The following TMEM44 variants were observed in gnomAD, a reference collection of about 807,000 sequenced individuals.
The protein encoded by TMEM44 is transmembrane protein 44.
TMEM44 carries 43 observed loss-of-function variants against 47.8 expected under a neutral mutation model. The ratio of observed to expected loss-of-function variants is 0.90; its 90% CI spans 0.70 to 1.16. TMEM44 has a LOEUF of 1.16. Among genes scored for constraint, TMEM44 ranks in the 50% most tolerant of loss-of-function variants. The probability of loss-of-function intolerance (pLI) is 0.00; values close to 1 mark genes in which losing one functional copy is unlikely to be tolerated. For missense variants in TMEM44, 568 were observed against 555.2 expected (o/e 1.02, Z -0.23); for synonymous variants, 277 against 238.8 (o/e 1.16, Z -1.48).
intron 3 of TMEM44, among the ~76,000 whole-genome samples, chr3:194,624,274 C>A (rs1167978912): frequency 6.6e-6 from 1 of 152,070 alleles, no homozygotes; most frequent in African/African-American, 2.4e-5. Flanking sequence ...AGCGATCTCC[C>A]ACCTTGGCCT....
At chr3:194,630,685 C>T (rs1406519555) in intron 1 of TMEM44, among the ~76,000 whole-genome samples, 5 of 138,588 alleles carry the variant, frequency 3.6e-5, no homozygotes, top group Admixed American at 7.0e-5. Flanking sequence ...TTTCCATCGG[C>T]GTCACTGATA....
In TMEM44 at chr3:194,606,256, G is replaced by A. The variant is rs1388784404; in HGVS notation, c.1018-1811C>T. Among the ~76,000 whole-genome samples the A allele has an allele frequency of 3.9e-5, 6 of 152,126 alleles. No individual in the cohort carries two copies. In the East Asian group the frequency reaches 5.8e-4, roughly 15 times the overall value. On this transcript the variant is annotated intron_variant, in intron 8 of 9. Coordinates refer to ENST00000347147, the MANE Select transcript of TMEM44 (RefSeq NM_001011655.3). ...TGAACCACAGTGCTGCTCCCGCTGC[G>A]TCTCCTGGAAAATCGCTCCTTAGGA...
chr3:194,615,885 C>T (rs551279163), intron 6 of TMEM44, among the ~76,000 whole-genome samples, 188 bp from the exon 7 acceptor site: 2 of 152,042 alleles, frequency 1.3e-5, no homozygotes, highest in East Asian at 1.9e-4. Flanking sequence ...CCTGTCCTCA[C>T]GAGGGCCCAG....
chr3:194,618,786 A>G (rs1716221134), intron 5 of TMEM44, among the ~76,000 whole-genome samples: 1 of 152,142 alleles, frequency 6.6e-6, no homozygotes, highest in Non-Finnish European at 1.5e-5. Context: ...TAATTCTCAA[A>G]AAGAATCCTT....
At chr3:194,622,987 C>T (rs1716726434) in intron 5 of TMEM44, 2 of 450,642 alleles carry the variant, frequency 4.4e-6, no homozygotes, top group East Asian at 4.5e-5. Context: ...GGGAAGAACA[C>T]ACGGGCTTTC....
chr3:194,618,974 C>T (rs754264706), intron 5 of TMEM44, among the ~76,000 whole-genome samples: 4 of 152,226 alleles, frequency 2.6e-5, no homozygotes, highest in African/African-American at 4.8e-5. Context: ...AGGGTGGAGA[C>T]GACGCCCTTT....
chr3:194,623,578 G>A lies in TMEM44; in HGVS notation c.476C>T (p.Ser159Leu), dbSNP rs147683361. Residue 159 changes from serine (S) to leucine (L), a missense_variant, in exon 4 of 10, where the codon TCA (serine) becomes TTA (leucine). Ser to Leu is a moderately radical substitution (Grantham distance 145). Transcript: ENST00000347147. The stretch of plus-strand genomic sequence containing the variant: ...CCGCTGTGGCCCCCGGATGGTGGCT[G>A]AAGCCTTCGGGACAGCAACCCACAG... Reference protein sequence around the residue: ...WALWVAVPKASATIRGPQRRL... With the variant: ...WALWVAVPKALATIRGPQRRL... The A allele has an allele frequency of 1.2e-3, 1,997 of 1,610,180 alleles. 3 individuals are homozygous for A. Among genetic ancestry groups the A allele is most frequent in the Non-Finnish European group, 1.6e-3 (1,903 of 1,178,960 alleles).
At chr3:194,630,662 A>G (rs1459560297) in intron 1 of TMEM44, among the ~76,000 whole-genome samples, 1 of 112,662 alleles carries the variant, frequency 8.9e-6, no homozygotes, top group African/African-American at 4.0e-5. Flanking sequence ...CTGCCTCCAG[A>G]AGGGGCTGGC....
intron 6 of TMEM44, among the ~76,000 whole-genome samples, chr3:194,616,096 G>C (rs556357809): frequency 6.6e-6 from 1 of 151,904 alleles, no homozygotes; most frequent in Non-Finnish European, 1.5e-5. Context: ...CTGTCACCCA[G>C]GCTGGAGTGC....
At chr3:194,621,574 T>A (rs548239738) in intron 5 of TMEM44, among the ~76,000 whole-genome samples, 1 of 152,304 alleles carries the variant, frequency 6.6e-6, no homozygotes, top group East Asian at 1.9e-4. Flanking sequence ...CACCTGCTGA[T>A]GAGGCCCAGG....
chr3:194,617,803 G>A (rs1203526009), intron 5 of TMEM44: 2 of 700,704 alleles, frequency 2.9e-6, no homozygotes, highest in Non-Finnish European at 5.2e-6. Context: ...GGGTCATGGG[G>A]TGGATATCTC....
chr3:194,625,180 A>G (rs1337427751), intron 3 of TMEM44, among the ~76,000 whole-genome samples: 1 of 152,162 alleles, frequency 6.6e-6, no homozygotes, highest in Non-Finnish European at 1.5e-5. Flanking sequence ...CACTTCCAGT[A>G]GCTGTGAAGC....
chr3:194,601,965 C>T (rs76456817), intron 9 of TMEM44, among the ~76,000 whole-genome samples: 14,810 of 152,216 alleles, frequency 0.097, 814 homozygotes, highest in South Asian at 0.21. Flanking sequence ...CCCTCCCCGT[C>T]GCCATCCCTG....
At chr3:194,590,010 G>A (rs1432509600) in intron 9 of TMEM44, 1 of 152,246 alleles carries the variant, frequency 6.6e-6, no homozygotes, top group East Asian at 1.9e-4. Flanking sequence ...GGCTGTGTCT[G>A]CCTGGGCAGA....
chr3:194,623,375 A>T, intron 4 of TMEM44, 65 bp from the exon 5 acceptor site: 5 of 1,535,256 alleles, frequency 3.3e-6, no homozygotes, highest in Non-Finnish European at 4.4e-6. Context: ...GCCCCAAGAA[A>T]CAGCCAAAGC....
At chr3:194,598,423 G>A (rs115321771) in intron 9 of TMEM44, among the ~76,000 whole-genome samples, 6 of 124,270 alleles carry the variant, frequency 4.8e-5, no homozygotes, top group Non-Finnish European at 8.2e-5. Flanking sequence ...AGGCAGTGGA[G>A]TGCAGTGGTT....
chr3:194,626,555 C>T (rs551963817), intron 2 of TMEM44, among the ~76,000 whole-genome samples: 2 of 152,204 alleles, frequency 1.3e-5, no homozygotes, highest in East Asian at 3.9e-4. Flanking sequence ...GATGGGTGAC[C>T]CTTAACCTCT....
intron 1 of TMEM44, among the ~76,000 whole-genome samples, chr3:194,632,535 C>A (rs142334744): frequency 2.2e-4 from 34 of 152,252 alleles, no homozygotes; most frequent in African/African-American, 7.7e-4. Flanking sequence ...AAAGACAGGC[C>A]AGCTGGATCA....
Position 194,633,268 on chromosome 3 carries a change from G to A in TMEM44, c.-53C>T, listed in dbSNP as rs1279999495. The A allele has an allele frequency of 3.1e-5, 31 of 998,062 alleles. No homozygotes were observed. Among genetic ancestry groups the A allele is most frequent in the Admixed American group, 5.3e-5 (1 of 18,726 alleles). The allele number at this position is 998,062 out of a possible 1,614,324, so 61.8% of individuals were successfully genotyped here. A position where few individuals can be genotyped will look rare whatever the true frequency, so the allele number is the denominator to read the frequency against. The stretch of plus-strand genomic sequence containing the variant: ...CGGGGACCTGGGCGCAGCCTCCCTC[G>A]CCGCGGGCAAGCCCCGAGCGCCGCC... On this transcript the variant is annotated 5_prime_UTR_variant, in exon 1 of 10. Coordinates refer to ENST00000347147, the MANE Select transcript of TMEM44 (RefSeq NM_001011655.3).
Sources: allele counts gnomAD v4.1 joint callset (sites outside exome capture counted in the v4.1 genomes callset), GRCh38; gene constraint gnomAD v4.1.1; transcripts MANE v1.5; gene names NCBI Gene and HGNC (gene_info 2026-07-23, HGNC 2026-07-21).